Variants in PTK2B observed in about 807,000 individuals in gnomAD.
PTK2B encodes protein tyrosine kinase 2 beta, also known as protein-tyrosine kinase 2-beta.
In PTK2B, 71 loss-of-function variants were observed where a neutral mutation model predicts 142.9. The observed-to-expected ratio is 0.50, with a 90% CI of 0.41 to 0.61. PTK2B has a LOEUF of 0.61. Among genes scored for constraint, PTK2B ranks in the 20% least tolerant of loss-of-function variants. PTK2B has a pLI of 0.00. For synonymous variants in PTK2B, 519 were observed against 503.4 expected, an observed-to-expected ratio of 1.03 and a Z score of -0.42; for missense variants, 1,105 against 1,320.4, an observed-to-expected ratio of 0.84 and a Z score of 2.53.
chr8:27,434,165 T>C, intron 12 of PTK2B, 33 bp downstream of exon 12: 1 of 1,608,988 alleles, frequency 6.2e-7, no homozygotes, highest in Non-Finnish European at 8.5e-7. Flanking sequence ...GACAGGGCCC[T>C]GAGCTCAGCC....
rs926466266 is a variant in PTK2B, at chr8:27,453,234, A to T, written c.2595+74A>T. On this transcript the variant is annotated intron_variant, in intron 28 of 30. Coordinates refer to ENST00000346049, the MANE Select transcript of PTK2B (RefSeq NM_173176.3). ...AAAACTGAAGACCATGGTCTATGAA[A>T]GATTCACAGTTCTCAGATAGAATCC... 6 of 1,561,648 alleles carry T rather than the reference A, an allele frequency of 3.8e-6. No individual in the cohort carries two copies. The African/African-American group carries it at 4.1e-5, about 11-fold the overall frequency.
chr8:27,333,170 A>G (rs914965617), intron 1 of PTK2B, among the ~76,000 whole-genome samples: 8 of 152,180 alleles, frequency 5.3e-5, no homozygotes, highest in African/African-American at 1.4e-4. Flanking sequence ...AAGAGTATAA[A>G]TAACAGCAGA....
At chr8:27,346,923 T>G (rs1804745423) in intron 1 of PTK2B, among the ~76,000 whole-genome samples, 1 of 152,246 alleles carries the variant, frequency 6.6e-6, no homozygotes, top group Non-Finnish European at 1.5e-5. Flanking sequence ...TTTTGCAGTT[T>G]GACAGCCCTC....
Position 27,435,818 on chromosome 8 carries a change from G to A in PTK2B, c.1243+25G>A, listed in dbSNP as rs11774417. 1.7e-4 allele frequency: 266 copies of A among 1,610,310 alleles called. No homozygotes were observed. The African/African-American group carries it at 3.3e-3, about 20-fold the overall frequency. On this transcript the variant is annotated intron_variant, in intron 14 of 30. Transcript: ENST00000346049. ...GGTAGGTTCTCGACCCCGCCACAGC[G>A]ACCGTAGTCAAGGCCCTGTGAAATG... is the stretch of plus-strand genomic sequence containing the variant.
chr8:27,435,608 G>C, intron 13 of PTK2B, 135 bp from the exon 14 acceptor site: 1 of 1,044,632 alleles, frequency 9.6e-7, no homozygotes, highest in Non-Finnish European at 1.4e-6. Context: ...TGGGCTGGGA[G>C]CCCGGGACAT....
intron 2 of PTK2B, chr8:27,312,474 A>G (rs1056927434): frequency 1.3e-5 from 2 of 152,210 alleles, no homozygotes; most frequent in Non-Finnish European, 1.5e-5. Context: ...TAGGGCTCAG[A>G]AACTGGCCCA....
At chr8:27,406,816 C>T (rs947425932) in intron 2 of PTK2B, among the ~76,000 whole-genome samples, 2 of 152,150 alleles carry the variant, frequency 1.3e-5, no homozygotes, top group Non-Finnish European at 2.9e-5. Flanking sequence ...GAACCCAGTC[C>T]CCATGTGAAA....
chr8:27,316,223 A>G (rs1223860003), intron 3 of PTK2B, among the ~76,000 whole-genome samples: 2 of 152,170 alleles, frequency 1.3e-5, no homozygotes, highest in Non-Finnish European at 2.9e-5. Flanking sequence ...AAATTTGTGT[A>G]AGGAATAACT....
chr8:27,311,493 C>T lies in PTK2B; in HGVS notation c.-797C>T, dbSNP rs979881163. ...TGGGCCTTCTGCCCGCAGTTCCCGCCTCCTCAGGTCCGGGCGGGTCCCTGG... is the reference window on the plus strand; with the variant it reads ...TGGGCCTTCTGCCCGCAGTTCCCGCTTCCTCAGGTCCGGGCGGGTCCCTGG... On this transcript the variant is annotated 5_prime_UTR_variant, in exon 1 of 36. Coordinates refer to the PTK2B transcript ENST00000397501. 1.3e-5 allele frequency: 7 copies of T among 546,838 alleles called. No individual in the cohort carries two copies. The African/African-American group carries it at 1.4e-4, about 11-fold the overall frequency. The allele number at this position is 546,838 out of a possible 1,614,324, so 33.9% of individuals were successfully genotyped here.
At chr8:27,413,298 G>A (rs1205952544) in intron 2 of PTK2B, among the ~76,000 whole-genome samples, 3 of 152,204 alleles carry the variant, frequency 2.0e-5, no homozygotes, top group Non-Finnish European at 2.9e-5. Context: ...AAGATGTGCT[G>A]CATGCATCTA....
intron 2 of PTK2B, among the ~76,000 whole-genome samples, chr8:27,418,302 G>A (rs1196154901): frequency 6.6e-6 from 1 of 152,188 alleles, no homozygotes; most frequent in Non-Finnish European, 1.5e-5. Flanking sequence ...TGGGTGCCCA[G>A]GCAAGCAAAT....
chr8:27,391,589 C>T (rs1424141833), intron 1 of PTK2B, among the ~76,000 whole-genome samples: 1 of 152,240 alleles, frequency 6.6e-6, no homozygotes, highest in African/African-American at 2.4e-5. Flanking sequence ...AGCATCTCCC[C>T]TGTGCCAGGG....
intron 16 of PTK2B, 27 bp downstream of exon 16, chr8:27,437,233 C>T: frequency 6.3e-7 from 1 of 1,595,904 alleles, no homozygotes; most frequent in Non-Finnish European, 8.6e-7. Flanking sequence ...CCAACCAGGC[C>T]TCCAAGATGG....
At position 27,432,244 on chromosome 8, in the gene PTK2B, C is replaced by G. The variant is rs751972320; in HGVS notation, c.886-16C>G. 1 of 1,612,884 alleles carries G rather than the reference C, an allele frequency of 6.2e-7. No homozygotes were observed. Among genetic ancestry groups the G allele is most frequent in the Non-Finnish European group, 8.5e-7 (1 of 1,179,336 alleles). On this transcript the variant is annotated splice_polypyrimidine_tract_variant and intron_variant, in intron 9 of 30. Coordinates refer to ENST00000346049, the MANE Select transcript of PTK2B (RefSeq NM_173176.3). Reference sequence around the variant, plus strand: ...GGTAGTGGGATGGTCTGAAGCTCCCCCTTCTTTTCCCACAGCCCACCTGCC... The same window carrying G: ...GGTAGTGGGATGGTCTGAAGCTCCCGCTTCTTTTCCCACAGCCCACCTGCC...
At chr8:27,341,779 C>T (rs2130086353) in intron 1 of PTK2B, among the ~76,000 whole-genome samples, 1 of 152,122 alleles carries the variant, frequency 6.6e-6, no homozygotes, top group East Asian at 1.9e-4. Context: ...GCTAAGCAAT[C>T]CCCTCCACCT....
chr8:27,328,902 C>T (rs571404171), intron 1 of PTK2B, among the ~76,000 whole-genome samples: 1 of 151,722 alleles, frequency 6.6e-6, no homozygotes, highest in East Asian at 1.9e-4. Context: ...CAGTGTCCAA[C>T]TTAGAGAAGA....
intron 1 of PTK2B, among the ~76,000 whole-genome samples, chr8:27,355,346 A>G (rs1362725235): frequency 4.6e-5 from 7 of 152,150 alleles, no homozygotes; most frequent in African/African-American, 1.2e-4. Flanking sequence ...GAAGAGAGAC[A>G]AGAGAGAGAT....
intron 1 of PTK2B, among the ~76,000 whole-genome samples, chr8:27,342,877 T>C (rs1016445523): frequency 6.6e-6 from 1 of 152,154 alleles, no homozygotes; most frequent in Non-Finnish European, 1.5e-5. Context: ...TGAATTGCAG[T>C]GAGAAGGGCC....
chr8:27,435,871 A>G, intron 14 of PTK2B, 78 bp downstream of exon 14: 1 of 1,499,964 alleles, frequency 6.7e-7, no homozygotes, highest in Admixed American at 1.7e-5. Flanking sequence ...GTGACACCAC[A>G]GGGAACATTC....
Sources: gnomAD v4.1 joint callset for allele counts (sites outside exome capture counted in the v4.1 genomes callset) on GRCh38, gnomAD v4.1.1 for gene constraint, MANE v1.5 for transcripts, NCBI Gene and HGNC (gene_info 2026-07-23, HGNC 2026-07-21) for gene names.